IRX3: variants seen among roughly 807,000 people sequenced by gnomAD.
IRX3 encodes iroquois-class homeodomain protein IRX-3.
IRX3 carries 20 observed loss-of-function variants against 36.4 expected under a neutral mutation model. The observed-to-expected ratio is 0.55, with a 90% CI of 0.39 to 0.80. The LOEUF is 0.80. IRX3 is among the 30% of genes least tolerant of loss of function. The pLI is 0.00. For synonymous variants in IRX3, 404 were observed against 351.6 expected (o/e 1.15, Z -1.67); for missense variants, 718 against 733.2 (o/e 0.98, Z 0.24).
rs1402243347 is a variant in IRX3 at position 54,286,477 on chromosome 16, C to T, written c.-427G>A. 1.3e-6 allele frequency: 1 copy of T among 784,738 alleles called. No individual in the cohort carries two copies. The highest frequency in any genetic ancestry group is 1.5e-6 in the Non-Finnish European group (1 of 646,754). The allele number at this position is 784,738 out of a possible 1,614,324, so 48.6% of individuals were successfully genotyped here. On this transcript the variant is annotated 5_prime_UTR_variant, in exon 1 of 4. Coordinates refer to ENST00000329734, the MANE Select transcript of IRX3 (RefSeq NM_024336.3). ...ACTCCCCCTCCTCGCCCTTCCTCTC[C>T]CCTCCCCTCTCCGCACTCCTCTTCC...
In IRX3 at chr16:54,284,384, C is replaced by T; in HGVS notation, c.1385-72G>A. ...TGCCGGCGCCCAGGGCCGCAGAAAG[C>T]AGGAGTGGAGAGGGACGCGCGCCCT... On this transcript the variant is annotated intron_variant, in intron 2 of 3. Coordinates refer to ENST00000329734, the MANE Select transcript of IRX3 (RefSeq NM_024336.3). The surrounding 1 kb of genome is among the most constrained non-coding windows in gnomAD (Gnocchi z 4.0). The T allele has an allele frequency of 6.5e-7, 1 of 1,531,706 alleles. No homozygotes were observed. 94.9% of individuals were successfully genotyped at this position (1,531,706 alleles called of 1,614,324 possible). A position where few individuals can be genotyped will look rare whatever the true frequency, so the allele number is the denominator to read the frequency against.
Position 54,285,740 on chromosome 16 carries a change from G to T in IRX3, c.267+44C>A. 6.7e-7 allele frequency: 1 copy of T among 1,481,734 alleles called. No individual in the cohort carries two copies. The highest frequency in any genetic ancestry group is 8.9e-7 in the Non-Finnish European group (1 of 1,125,464). 91.8% of individuals were successfully genotyped at this position (1,481,734 alleles called of 1,614,324 possible). ...CCCCCGCGCGCTCAGCTCGCCCTGC[G>T]CCCCAGCGCCAACCCCTCCTTCCCT... On this transcript the variant is annotated intron_variant, in intron 1 of 3. Coordinates refer to ENST00000329734, the MANE Select transcript of IRX3 (RefSeq NM_024336.3). The surrounding 1 kb of genome is among the most constrained non-coding windows in gnomAD (Gnocchi z 5.7).
Position 54,285,590 on chromosome 16 carries a change from G to A in IRX3, c.291C>T (p.Asp97=), listed in dbSNP as rs1310264099. 5.1e-6 allele frequency: 8 copies of A among 1,556,992 alleles called. No individual in the cohort carries two copies. The highest frequency in any genetic ancestry group is 4.3e-6 in the Non-Finnish European group (5 of 1,151,416). ...CGGCCGGATGCTGCACCCCGGGGCT[G>A]TCCTTCAGCTCATACTGCGCGCCCT... The part of the protein sequence containing the change: ...PQLGAQYELK[D]SPGVQHPAAA... The change falls in exon 2 of 4, where the codon GAC becomes GAT. Residue 97 remains aspartate, a synonymous_variant. Transcript: ENST00000329734. This position sits in a 1 kb window ranked among gnomAD's most constrained non-coding sequence, Gnocchi z 5.7.
In IRX3 at chr16:54,286,158, C is replaced by A; in HGVS notation, c.-108G>T. ...TCGGGGGCTGGGCCGGGCTTGGGGC[C>A]GCGCTGCCGCCCGCGCTGCGCTGTG... On this transcript the variant is annotated 5_prime_UTR_variant, in exon 1 of 4. Transcript: ENST00000329734. 2 of 1,075,094 alleles carry A rather than the reference C, an allele frequency of 1.9e-6. No homozygotes were observed. Among genetic ancestry groups the A allele is most frequent in the Non-Finnish European group, 2.3e-6 (2 of 885,318 alleles). The allele number at this position is 1,075,094 out of a possible 1,614,324, so 66.6% of individuals were successfully genotyped here.
At position 54,286,275 on chromosome 16, in the gene IRX3, G is replaced by T; in HGVS notation, c.-225C>A. The stretch of plus-strand genomic sequence containing the variant: ...CAGGTCAGGTCCGAACAGATTGGCG[G>T]AGATTCCCGGGGCTCCGGGCTCTGA... On this transcript the variant is annotated 5_prime_UTR_variant, in exon 1 of 4. Coordinates refer to ENST00000329734, the MANE Select transcript of IRX3 (RefSeq NM_024336.3). 1.0e-6 allele frequency: 1 copy of T among 1,002,250 alleles called. No homozygotes were observed. Among genetic ancestry groups the T allele is most frequent in the South Asian group, 4.6e-5 (1 of 21,962 alleles). 62.1% of individuals were successfully genotyped at this position (1,002,250 alleles called of 1,614,324 possible). A position where few individuals can be genotyped will look rare whatever the true frequency, so the allele number is the denominator to read the frequency against.
At position 54,285,916 on chromosome 16, in the gene IRX3, G is replaced by A. The variant is rs1343849934; in HGVS notation, c.135C>T (p.Ala45=). The change falls in exon 1 of 4, where the codon GCC becomes GCT. Residue 45 remains alanine, a synonymous_variant. Transcript: ENST00000329734. This position sits in a 1 kb window ranked among gnomAD's most constrained non-coding sequence, Gnocchi z 5.7. ...AGAGCACGTTGGACAGGGACCCCGA[G>A]GCGTTCAGCTCCGAGGCTCCGGCAC... ...GLGAGASELN[A]SGSLSNVLSS... The A allele has an allele frequency of 5.9e-6, 9 of 1,524,046 alleles. No homozygotes were observed. The South Asian group carries it at 9.9e-5, about 17-fold the overall frequency. The allele number at this position is 1,524,046 out of a possible 1,614,324, so 94.4% of individuals were successfully genotyped here.
At position 54,283,968 on chromosome 16, in the gene IRX3, C is replaced by T; in HGVS notation, c.1452-228G>A. On this transcript the variant is annotated intron_variant, in intron 3 of 3. Coordinates refer to ENST00000329734, the MANE Select transcript of IRX3 (RefSeq NM_024336.3). This position sits in a 1 kb window ranked among gnomAD's most constrained non-coding sequence, Gnocchi z 4.4. ...AGAGGTGGGCGTCAGAGAACCGCCACCCGCCCCAGGGGCCTGTGGGCCCAG... is the reference window on the plus strand; with the variant it reads ...AGAGGTGGGCGTCAGAGAACCGCCATCCGCCCCAGGGGCCTGTGGGCCCAG... 1.0e-6 allele frequency: 1 copy of T among 985,364 alleles called. No homozygotes were observed. The highest frequency in any genetic ancestry group is 1.7e-5 in the African/African-American group (1 of 57,362). 61.0% of individuals were successfully genotyped at this position (985,364 alleles called of 1,614,324 possible). A position where few individuals can be genotyped will look rare whatever the true frequency, so the allele number is the denominator to read the frequency against.
chr16:54,284,761 G>A lies in IRX3; in HGVS notation c.1120C>T (p.Pro374Ser). 2 of 1,463,760 alleles carry A rather than the reference G, an allele frequency of 1.4e-6. No homozygotes were observed. The highest frequency in any genetic ancestry group is 1.4e-5 in the South Asian group (1 of 72,094). The allele number at this position is 1,463,760 out of a possible 1,614,324, so 90.7% of individuals were successfully genotyped here. Residue 374 changes from proline to serine, a missense_variant, in exon 2 of 4, where the codon CCG becomes TCG. Transcript: ENST00000329734. This position sits in a 1 kb window ranked among gnomAD's most constrained non-coding sequence, Gnocchi z 4.0. ...GCGGAAGGCGCGACCGCTGCCCCCG[G>A]TGGAGACCCCCCCGCGCCGGGAGGC... ...RSPPGAGGSP[P>S]GAAVAPSALQ...
At position 54,285,732 on chromosome 16, in the gene IRX3, C is replaced by A; in HGVS notation, c.267+52G>T. 2 of 1,470,992 alleles carry A rather than the reference C, an allele frequency of 1.4e-6. No homozygotes were observed. The highest frequency in any genetic ancestry group is 1.4e-5 in the South Asian group (1 of 70,420). 91.1% of individuals were successfully genotyped at this position (1,470,992 alleles called of 1,614,324 possible). A position where few individuals can be genotyped will look rare whatever the true frequency, so the allele number is the denominator to read the frequency against. On this transcript the variant is annotated intron_variant, in intron 1 of 3. Transcript: ENST00000329734. The surrounding 1 kb of genome is among the most constrained non-coding windows in gnomAD (Gnocchi z 5.7). ...TAGTCCGGCCCCCGCGCGCTCAGCTCGCCCTGCGCCCCAGCGCCAACCCCT... is the reference window on the plus strand; with the variant it reads ...TAGTCCGGCCCCCGCGCGCTCAGCTAGCCCTGCGCCCCAGCGCCAACCCCT...
chr16:54,286,780 G>A lies in IRX3; in HGVS notation c.-730C>T, dbSNP rs1901355005. ...TGCCGCGCGGGGGGTGTGTGTCGGT[G>A]TCTGTCTGTCCATCCCCGCCCTTCC... On this transcript the variant is annotated 5_prime_UTR_variant, in exon 1 of 4. Coordinates refer to ENST00000329734, the MANE Select transcript of IRX3 (RefSeq NM_024336.3). 1 of 151,882 alleles carries A rather than the reference G, an allele frequency of 6.6e-6. No homozygotes were observed. The highest frequency in any genetic ancestry group is 1.5e-5 in the Non-Finnish European group (1 of 68,008). The allele number at this position is 151,882 out of a possible 1,614,324, so 9.4% of individuals were successfully genotyped here. A position where few individuals can be genotyped will look rare whatever the true frequency, so the allele number is the denominator to read the frequency against.
Position 54,284,427 on chromosome 16 carries a change from C to A in IRX3, c.1384+70G>T. ...CGCGCCCTGCGCCCCCCGGGCCCTG[C>A]CCCTCCCGGCCAGCTCCGGCACTAC... On this transcript the variant is annotated intron_variant, in intron 2 of 3. Coordinates refer to ENST00000329734, the MANE Select transcript of IRX3 (RefSeq NM_024336.3). The surrounding 1 kb of genome is among the most constrained non-coding windows in gnomAD (Gnocchi z 4.0). 3 of 1,415,292 alleles carry A rather than the reference C, an allele frequency of 2.1e-6. No homozygotes were observed. The highest frequency in any genetic ancestry group is 1.8e-6 in the Non-Finnish European group (2 of 1,092,460). 87.7% of individuals were successfully genotyped at this position (1,415,292 alleles called of 1,614,324 possible). A position where few individuals can be genotyped will look rare whatever the true frequency, so the allele number is the denominator to read the frequency against.
chr16:54,285,810 CGG>C lies in IRX3; in HGVS notation c.239_240del (p.Ala80GlyfsTer14). The C allele has an allele frequency of 6.4e-7, 1 of 1,562,634 alleles. No homozygotes were observed. The highest frequency in any genetic ancestry group is 1.9e-5 in the Admixed American group (1 of 51,780). On this transcript the variant is annotated frameshift_variant, in exon 1 of 4. Transcript: ENST00000329734. LOFTEE classifies it high-confidence loss of function. This position sits in a 1 kb window ranked among gnomAD's most constrained non-coding sequence, Gnocchi z 5.7. ...AGCTGCGGGAAGATGGGCAGCTCCGCGGCGTAGGGCAGGAAGGCGCCGTAGCC... is the reference window on the plus strand; with the variant it reads ...AGCTGCGGGAAGATGGGCAGCTCCGCCGTAGGGCAGGAAGGCGCCGTAGCC... Reference protein sequence around the residue: ...AQGYGAFLPYAAELPIFPQLG... With the variant: ...AQGYGAFLPYXAELPIFPQLG...
chr16:54,284,301 C>T lies in IRX3; in HGVS notation c.1396G>A (p.Ala466Thr). Residue 466 changes from alanine (A) to threonine (T), a missense_variant, in exon 3 of 4, where the codon GCC (alanine) becomes ACC (threonine). Ala to Thr is a moderately conservative substitution (Grantham distance 58). This residue lies in a region of IRX3 where 468 missense variants were observed against 462.1 expected (regional missense o/e 1.01). Coordinates refer to ENST00000329734, the MANE Select transcript of IRX3 (RefSeq NM_024336.3). This position sits in a 1 kb window ranked among gnomAD's most constrained non-coding sequence, Gnocchi z 4.0. ...AGTAACTTTTTCTCCACTTCCAAGGCACTACAGCGATCTAAGGGAAGCGGG... is the reference window on the plus strand; with the variant it reads ...AGTAACTTTTTCTCCACTTCCAAGGTACTACAGCGATCTAAGGGAAGCGGG... ...EPEGGTDRCSALEVEKKLLKT... is the reference protein window; with the variant it reads ...EPEGGTDRCSTLEVEKKLLKT... The T allele has an allele frequency of 6.2e-7, 1 of 1,610,356 alleles. No homozygotes were observed. Among genetic ancestry groups the T allele is most frequent in the Non-Finnish European group, 8.5e-7 (1 of 1,178,308 alleles).
chr16:54,284,140 C>G lies in IRX3; in HGVS notation c.1451+106G>C, dbSNP rs1332054235. The G allele has an allele frequency of 1.6e-6, 2 of 1,233,882 alleles. No homozygotes were observed. Among genetic ancestry groups the G allele is most frequent in the Admixed American group, 5.1e-5 (2 of 39,386 alleles). The allele number at this position is 1,233,882 out of a possible 1,614,324, so 76.4% of individuals were successfully genotyped here. ...TCCCCTTTTACAAAATGCGTCCCAG[C>G]AGGGTTCCCCCCTACCCCGGGGCAA... On this transcript the variant is annotated intron_variant, in intron 3 of 3. Transcript: ENST00000329734. This position sits in a 1 kb window ranked among gnomAD's most constrained non-coding sequence, Gnocchi z 4.0.
At position 54,283,422 on chromosome 16, in the gene IRX3, G is replaced by A. The variant is rs575856736; in HGVS notation, c.*264C>T. 1 of 413,312 alleles carries A rather than the reference G, an allele frequency of 2.4e-6. No homozygotes were observed. Among genetic ancestry groups the A allele is most frequent in the African/African-American group, 2.0e-5 (1 of 49,864 alleles). The allele number at this position is 413,312 out of a possible 1,614,324, so 25.6% of individuals were successfully genotyped here. A position where few individuals can be genotyped will look rare whatever the true frequency, so the allele number is the denominator to read the frequency against. ...TATACACACACACAAAGGCAGACAC[G>A]TTTATTCTCACTGAAACTCCACCCC... is the stretch of plus-strand genomic sequence containing the variant. On this transcript the variant is annotated 3_prime_UTR_variant, in exon 4 of 4. Coordinates refer to ENST00000329734, the MANE Select transcript of IRX3 (RefSeq NM_024336.3). This position sits in a 1 kb window ranked among gnomAD's most constrained non-coding sequence, Gnocchi z 4.4.
Position 54,286,488 on chromosome 16 carries a change from C to G in IRX3, c.-438G>C, listed in dbSNP as rs973039673. On this transcript the variant is annotated 5_prime_UTR_variant, in exon 1 of 4. Transcript: ENST00000329734. ...TCGCCCTTCCTCTCCCCTCCCCTCT[C>G]CGCACTCCTCTTCCCCCCAGGATCG... 2 of 672,474 alleles carry G rather than the reference C, an allele frequency of 3.0e-6. No individual in the cohort carries two copies. The highest frequency in any genetic ancestry group is 3.9e-5 in the African/African-American group (2 of 50,746). The allele number at this position is 672,474 out of a possible 1,614,324, so 41.7% of individuals were successfully genotyped here.
In IRX3 at chr16:54,283,512, G is replaced by A. The variant is rs1430407351; in HGVS notation, c.*174C>T. On this transcript the variant is annotated 3_prime_UTR_variant, in exon 4 of 4. Coordinates refer to ENST00000329734, the MANE Select transcript of IRX3 (RefSeq NM_024336.3). This position sits in a 1 kb window ranked among gnomAD's most constrained non-coding sequence, Gnocchi z 4.4. Reference sequence around the variant, plus strand: ...GGGTGCCACAGAAGCGACTTGGGGAGGGCTGAGGAGGACTGGTTTTATTTC... The same window carrying A: ...GGGTGCCACAGAAGCGACTTGGGGAAGGCTGAGGAGGACTGGTTTTATTTC... 5.7e-6 allele frequency: 3 copies of A among 528,256 alleles called. No homozygotes were observed. The African/African-American group carries it at 5.7e-5, about 10-fold the overall frequency. The allele number at this position is 528,256 out of a possible 1,614,324, so 32.7% of individuals were successfully genotyped here.
chr16:54,283,844 G>A lies in IRX3; in HGVS notation c.1452-104C>T, dbSNP rs1567615889. On this transcript the variant is annotated intron_variant, in intron 3 of 3. Coordinates refer to ENST00000329734, the MANE Select transcript of IRX3 (RefSeq NM_024336.3). This position sits in a 1 kb window ranked among gnomAD's most constrained non-coding sequence, Gnocchi z 4.4. ...TGGATTGGGGCCGATCGTCAGGAAG[G>A]TGTCGCAATGTAAAATTATGTCCAG... 1 of 1,557,448 alleles carries A rather than the reference G, an allele frequency of 6.4e-7. No homozygotes were observed. Among genetic ancestry groups the A allele is most frequent in the Non-Finnish European group, 8.7e-7 (1 of 1,151,748 alleles).
chr16:54,284,466 C>A lies in IRX3; in HGVS notation c.1384+31G>T, dbSNP rs1901260923. On this transcript the variant is annotated intron_variant, in intron 2 of 3. Transcript: ENST00000329734. The surrounding 1 kb of genome is among the most constrained non-coding windows in gnomAD (Gnocchi z 4.0). ...CTCCGGCACTACCCGCAGAGCCCGC[C>A]CCCGCTCCGCGCCCAGCGCTCAGCA... 7.9e-6 allele frequency: 11 copies of A among 1,392,854 alleles called. No homozygotes were observed. The highest frequency in any genetic ancestry group is 6.1e-5 in the East Asian group (2 of 33,014). The allele number at this position is 1,392,854 out of a possible 1,614,324, so 86.3% of individuals were successfully genotyped here.
Sources: gnomAD v4.1 joint callset for allele counts on GRCh38, gnomAD v4.1.1 for gene constraint, gnomAD v4.1.1 regional missense constraint, Gnocchi (gnomAD v3.1) non-coding constraint, MANE v1.5 for transcripts, NCBI Gene and HGNC (gene_info 2026-07-23, HGNC 2026-07-21) for gene names.